RAP2A: variants seen among roughly 807,000 people sequenced by gnomAD.
RAP2A encodes ras-related protein Rap-2a.
A neutral mutation model predicts 15.1 loss-of-function variants in RAP2A; 5 were observed. That is an observed-to-expected ratio of 0.33 (90% CI 0.17 to 0.70). RAP2A has a LOEUF of 0.70. Among genes scored for constraint, RAP2A ranks in the 30% least tolerant of loss-of-function variants. The pLI, the probability that RAP2A is intolerant of heterozygous loss-of-function variation, is 0.68. For synonymous variants in RAP2A, 110 were observed against 99.7 expected, an observed-to-expected ratio of 1.10 and a Z score of -0.62; for missense variants, 111 against 240.3, an observed-to-expected ratio of 0.46 and a Z score of 3.56.
At chr13:97,452,848 G>A (rs1471933914) in intron 1 of RAP2A, among the ~76,000 whole-genome samples, 2 of 151,104 alleles carry the variant, frequency 1.3e-5, no homozygotes, top group Non-Finnish European at 3.0e-5. Context: ...TGTTGTGAAG[G>A]TCTTTTACAT....
chr13:97,458,410 A>G (rs2066732836), intron 1 of RAP2A, among the ~76,000 whole-genome samples: 1 of 152,182 alleles, frequency 6.6e-6, no homozygotes, highest in African/African-American at 2.4e-5. Context: ...ACAGTTTATC[A>G]TTGGTGAATA....
At chr13:97,435,871 G>A (rs9516934) in intron 1 of RAP2A, 1 of 152,104 alleles carries the variant, frequency 6.6e-6, no homozygotes, top group Non-Finnish European at 1.5e-5. Flanking sequence ...TAAATCTGAA[G>A]ACCTTTACTG....
intron 1 of RAP2A, among the ~76,000 whole-genome samples, chr13:97,456,875 C>A (rs1434848260): frequency 2.0e-5 from 3 of 152,092 alleles, no homozygotes; most frequent in Non-Finnish European, 4.4e-5. Context: ...CGCTTCAAAA[C>A]AAGTCAGGTT....
chr13:97,442,311 T>C (rs1334278649), intron 1 of RAP2A, among the ~76,000 whole-genome samples: 1 of 152,126 alleles, frequency 6.6e-6, no homozygotes. Context: ...TGTTTTTGTT[T>C]TTTATTTCTC....
At chr13:97,435,487 A>AC (rs398024083) in intron 1 of RAP2A, among the ~76,000 whole-genome samples, 1 of 148,118 alleles carries the variant, frequency 6.8e-6, no homozygotes, top group Non-Finnish European at 1.5e-5. Flanking sequence ...AAAAAAAAAA[A>AC]CACCACCACA....
intron 1 of RAP2A, among the ~76,000 whole-genome samples, chr13:97,462,168 C>G (rs979413057): frequency 4.7e-5 from 7 of 150,372 alleles, no homozygotes; most frequent in African/African-American, 1.5e-4. Context: ...CATAGACAGA[C>G]TGAAATTTGT....
In RAP2A at chr13:97,465,654, C is replaced by G. The variant is rs1308033276; in HGVS notation, c.*1212C>G. On this transcript the variant is annotated 3_prime_UTR_variant, in exon 2 of 2. Coordinates refer to ENST00000245304, the MANE Select transcript of RAP2A (RefSeq NM_021033.7). ...AAAGGTTTTCTTAGAACAATTTTGC[C>G]CTGATTACTGAAGCGTCAAATAAAG... The G allele has an allele frequency of 1.3e-5, 2 of 152,120 alleles. No homozygotes were observed. The highest frequency in any genetic ancestry group is 2.9e-5 in the Non-Finnish European group (2 of 68,014). 9.4% of individuals were successfully genotyped at this position (152,120 alleles called of 1,614,324 possible).
At chr13:97,450,658 T>TA (rs59138188) in intron 1 of RAP2A, among the ~76,000 whole-genome samples, 3,002 of 145,344 alleles carry the variant, frequency 0.021, 100 homozygotes, top group African/African-American at 0.071. Context: ...ATATTACGCT[T>TA]AAAAAAAAAA....
rs1476689418 is a variant in RAP2A, at chr13:97,465,452, G to A, written c.*1010G>A. ...CCTTTAAGGGCTATGGTTGTAGTGTGACCCGTGGCTAACCTGCTTTCAAAA... is the reference window on the plus strand; with the variant it reads ...CCTTTAAGGGCTATGGTTGTAGTGTAACCCGTGGCTAACCTGCTTTCAAAA... On this transcript the variant is annotated 3_prime_UTR_variant, in exon 2 of 2. Transcript: ENST00000245304. 6.6e-6 allele frequency: 1 copy of A among 152,638 alleles called. No homozygotes were observed. The highest frequency in any genetic ancestry group is 1.5e-5 in the Non-Finnish European group (1 of 68,040). 9.5% of individuals were successfully genotyped at this position (152,638 alleles called of 1,614,324 possible). A position where few individuals can be genotyped will look rare whatever the true frequency, so the allele number is the denominator to read the frequency against.
chr13:97,456,239 A>G (rs1320786591), intron 1 of RAP2A, among the ~76,000 whole-genome samples: 1 of 149,094 alleles, frequency 6.7e-6, no homozygotes, highest in Non-Finnish European at 1.5e-5. Context: ...TGTGTGCACC[A>G]GGAAGTGCCC....
In RAP2A at chr13:97,466,203, G is replaced by A. The variant is rs1441875884; in HGVS notation, c.*1761G>A. Reference sequence around the variant, plus strand: ...TGTTTAATAACTGGCATTAAGCTTAGAGGGTGAAAAAAAAAAAAAAGATTG... The same window carrying A: ...TGTTTAATAACTGGCATTAAGCTTAAAGGGTGAAAAAAAAAAAAAAGATTG... On this transcript the variant is annotated 3_prime_UTR_variant, in exon 2 of 2. Coordinates refer to ENST00000245304, the MANE Select transcript of RAP2A (RefSeq NM_021033.7). 2 of 146,852 alleles carry A rather than the reference G, an allele frequency of 1.4e-5. No homozygotes were observed. Among genetic ancestry groups the A allele is most frequent in the Non-Finnish European group, 1.5e-5 (1 of 67,244 alleles). The allele number at this position is 146,852 out of a possible 1,614,324, so 9.1% of individuals were successfully genotyped here.
chr13:97,438,908 T>C (rs1435343942), intron 1 of RAP2A, among the ~76,000 whole-genome samples: 4 of 152,226 alleles, frequency 2.6e-5, no homozygotes, highest in Non-Finnish European at 4.4e-5. Context: ...GGCCTCAGTT[T>C]CCCTAAACAT....
At chr13:97,461,756 G>A (rs2066746833) in intron 1 of RAP2A, among the ~76,000 whole-genome samples, 1 of 151,790 alleles carries the variant, frequency 6.6e-6, no homozygotes, top group African/African-American at 2.4e-5. Flanking sequence ...GAGGTCAGGA[G>A]ATCGAGACCA....
intron 1 of RAP2A, among the ~76,000 whole-genome samples, chr13:97,453,938 A>G (rs2066712428): frequency 6.6e-6 from 1 of 151,342 alleles, no homozygotes; most frequent in African/African-American, 2.4e-5. Context: ...TTTGCCATCT[A>G]CATCCTCTTC....
chr13:97,446,753 T>C (rs2066681507), intron 1 of RAP2A, among the ~76,000 whole-genome samples: 1 of 152,142 alleles, frequency 6.6e-6, no homozygotes, highest in African/African-American at 2.4e-5. Context: ...CTTCCAGCCA[T>C]TCCTACCAAC....
intron 1 of RAP2A, among the ~76,000 whole-genome samples, chr13:97,446,266 C>G (rs912245297): frequency 6.6e-6 from 1 of 152,084 alleles, no homozygotes; most frequent in African/African-American, 2.4e-5. Context: ...CTCAAACTCT[C>G]TCTTTTTTTT....
At chr13:97,446,134 C>G (rs563656096) in intron 1 of RAP2A, among the ~76,000 whole-genome samples, 1 of 152,254 alleles carries the variant, frequency 6.6e-6, no homozygotes, top group East Asian at 1.9e-4. Flanking sequence ...CTGTATGTCT[C>G]TTTTATCTGG....
intron 1 of RAP2A, among the ~76,000 whole-genome samples, chr13:97,458,090 T>A (rs750295608): frequency 6.6e-6 from 1 of 152,188 alleles, no homozygotes; most frequent in Non-Finnish European, 1.5e-5. Context: ...CTAAAAATGT[T>A]CAGACGTAAG....
rs574442402 is a variant in RAP2A at position 97,465,399 on chromosome 13, G to A, written c.*957G>A. ...CAGTACGAATATCTGGCATTTTTAA[G>A]TTCATTAAAGCAGCAAATTCCTTCT... On this transcript the variant is annotated 3_prime_UTR_variant, in exon 2 of 2. Coordinates refer to ENST00000245304, the MANE Select transcript of RAP2A (RefSeq NM_021033.7). 1 of 152,774 alleles carries A rather than the reference G, an allele frequency of 6.5e-6. No homozygotes were observed. Among genetic ancestry groups the A allele is most frequent in the South Asian group, 2.1e-4 (1 of 4,826 alleles). The allele number at this position is 152,774 out of a possible 1,614,324, so 9.5% of individuals were successfully genotyped here.
Sources: allele counts gnomAD v4.1 joint callset (sites outside exome capture counted in the v4.1 genomes callset), GRCh38; gene constraint gnomAD v4.1.1; transcripts MANE v1.5; gene names NCBI Gene and HGNC (gene_info 2026-07-23, HGNC 2026-07-21).